The following CASP6 variants were observed in gnomAD, a reference collection of about 807,000 sequenced individuals.
CASP6 encodes the protein caspase-6.
Under a neutral mutation model 31.8 loss-of-function variants are expected in CASP6, and 20 were observed. That is an observed-to-expected ratio of 0.63 (90% CI 0.44 to 0.91). The LOEUF is 0.91. CASP6 is among the 40% of genes least tolerant of loss of function. The pLI is 0.00. For missense variants in CASP6, 328 were observed against 361.1 expected, an observed-to-expected ratio of 0.91 and a Z score of 0.74; for synonymous variants, 130 against 127.8, an observed-to-expected ratio of 1.02 and a Z score of -0.12.
the CASP6 span, chr4:109,682,941 A>G: frequency 4.0e-6 from 2 of 494,102 alleles, no homozygotes; most frequent in Non-Finnish European, 7.2e-6. Flanking sequence ...TATCGCTAAT[A>G]CATGGTAGAG....
chr4:109,703,611 G>T, upstream of CASP6: 1 of 593,726 alleles, frequency 1.7e-6, no homozygotes, highest in Non-Finnish European at 2.9e-6. Flanking sequence ...AGCCCGCGGG[G>T]ACCAAGAGCG....
chr4:109,696,258 G>GA, intron 4 of CASP6, 152 bp downstream of exon 4: 1 of 516,546 alleles, frequency 1.9e-6, no homozygotes, highest in Non-Finnish European at 3.4e-6. Flanking sequence ...CTGGGTAACG[G>GA]AAACACAGCA....
At chr4:109,706,879 C>CA (rs1462144858), upstream of CASP6, among the ~76,000 whole-genome samples, 1 of 152,116 alleles carries the variant, frequency 6.6e-6, no homozygotes. Flanking sequence ...TGCACTCCAG[C>CA]CTGAGTGACA....
At chr4:109,671,189 G>C in the CASP6 span, among the ~76,000 whole-genome samples, 2 of 152,138 alleles carry the variant, frequency 1.3e-5, no homozygotes, top group Non-Finnish European at 2.9e-5. Context: ...TTTTATGTCA[G>C]ACAGGAAACT....
rs542898934 is a variant in CASP6, at chr4:109,690,156, G to A, written c.644-588C>T. Among the ~76,000 whole-genome samples, 411 of 147,870 alleles carry A rather than the reference G, an allele frequency of 2.8e-3. 3 individuals carry two copies. Among genetic ancestry groups the A allele is most frequent in the African/African-American group, 9.9e-3 (393 of 39,586 alleles). On this transcript the variant is annotated intron_variant, in intron 6 of 6. Coordinates refer to ENST00000265164, the MANE Select transcript of CASP6 (RefSeq NM_001226.4). ...GCTGACATTGGACCACTGCACTCCC[G>A]CCTGGGCAACAGAGTGAGACTATTA...
intron 5 of CASP6, among the ~76,000 whole-genome samples, chr4:109,693,266 T>G (rs1350845125): frequency 2.0e-5 from 3 of 152,222 alleles, no homozygotes; most frequent in Admixed American, 2.0e-4. Flanking sequence ...CTCTTCCTTA[T>G]AAATTACCCA....
At chr4:109,691,061 G>T (rs1443006373) in intron 5 of CASP6, 52 bp from the exon 6 acceptor site, 2 of 1,549,984 alleles carry the variant, frequency 1.3e-6, no homozygotes, top group Admixed American at 3.9e-5. Context: ...TTCCTTCCCA[G>T]TGCTTAATGT....
rs1483884914 is a variant in CASP6, at chr4:109,703,307, G to A, written c.40+49C>T. 5.1e-6 allele frequency: 8 copies of A among 1,579,482 alleles called. No homozygotes were observed. The Admixed American group carries it at 1.3e-4, about 25-fold the overall frequency. ...ACTAACCCTCGTTTCCCCTCCAGCC[G>A]GAGCAAGACGCAGACCTGCTCGGTG... On this transcript the variant is annotated intron_variant, in intron 1 of 6. Transcript: ENST00000265164.
At chr4:109,700,080 C>G (rs1304361589) in intron 1 of CASP6, among the ~76,000 whole-genome samples, 3 of 152,202 alleles carry the variant, frequency 2.0e-5, no homozygotes, top group African/African-American at 7.2e-5. Context: ...GAGCCGAAGG[C>G]GGCTCACAAC....
chr4:109,692,171 G>T (rs1730077615), intron 5 of CASP6: 1 of 152,162 alleles, frequency 6.6e-6, no homozygotes, highest in Non-Finnish European at 1.5e-5. Context: ...TTTATAGGCA[G>T]ATTTTAATCT....
chr4:109,674,442 A>C, the CASP6 span, among the ~76,000 whole-genome samples: 3 of 152,236 alleles, frequency 2.0e-5, no homozygotes, highest in Non-Finnish European at 4.4e-5. Context: ...GCCAATCCTG[A>C]AGGTACTCCC....
the CASP6 span, among the ~76,000 whole-genome samples, chr4:109,676,075 T>A: frequency 2.6e-5 from 4 of 152,270 alleles, no homozygotes; most frequent in African/African-American, 9.6e-5. Context: ...TGGAATTTGG[T>A]AATGGGCAAA....
intron 6 of CASP6, 149 bp from the exon 7 acceptor site, chr4:109,689,717 T>TGACTC (rs1352688828): frequency 3.0e-6 from 2 of 663,838 alleles, no homozygotes; most frequent in Admixed American, 5.6e-5. Flanking sequence ...TAAATTTTTT[T>TGACTC]GACTCTTTTC....
downstream of CASP6, among the ~76,000 whole-genome samples, chr4:109,686,980 T>A (rs1168735995): frequency 1.3e-5 from 2 of 152,062 alleles, no homozygotes; most frequent in African/African-American, 2.4e-5. Context: ...TTTTTAAGAA[T>A]ATTAAGTGGA....
chr4:109,694,936 G>A (rs1227102231), intron 4 of CASP6, among the ~76,000 whole-genome samples: 3 of 152,082 alleles, frequency 2.0e-5, no homozygotes, highest in Non-Finnish European at 2.9e-5. Flanking sequence ...GGGTTCAAGC[G>A]ATTCTCCTGC....
At chr4:109,700,252 ATAACT>A (rs1177729783) in intron 1 of CASP6, among the ~76,000 whole-genome samples, 2 of 152,258 alleles carry the variant, frequency 1.3e-5, no homozygotes, top group African/African-American at 4.8e-5. Context: ...ATTAAAATTA[ATAACT>A]TAAGATGTGA....
chr4:109,705,603 T>C (rs147762707), upstream of CASP6, among the ~76,000 whole-genome samples: 412 of 152,206 alleles, frequency 2.7e-3, 4 homozygotes, highest in African/African-American at 9.4e-3. Flanking sequence ...TTAAGAACAT[T>C]TGTGATTCAT....
chr4:109,687,622 C>A, downstream of CASP6: 1 of 1,452,646 alleles, frequency 6.9e-7, no homozygotes. Context: ...GTCAGATTTT[C>A]CATTATGTAT....
chr4:109,689,437 G>A lies in CASP6; in HGVS notation c.775C>T (p.Arg259Cys), dbSNP rs1023480999. Reference protein sequence around the residue: ...LTLVNRKVSQRRVDFCKDPSA... With the variant: ...LTLVNRKVSQCRVDFCKDPSA... ...GGGTCTTTGCAAAAGTCCACTCGGCGCTGAGAAACTTTCCTGTTCACCAGT... is the reference window on the plus strand; with the variant it reads ...GGGTCTTTGCAAAAGTCCACTCGGCACTGAGAAACTTTCCTGTTCACCAGT... Residue 259 changes from arginine (R) to cysteine (C), a missense_variant, in exon 7 of 7, where the codon CGC becomes TGC. Arg to Cys is a radical substitution (Grantham distance 180). Coordinates refer to ENST00000265164, the MANE Select transcript of CASP6 (RefSeq NM_001226.4). 1.4e-5 allele frequency: 22 copies of A among 1,614,072 alleles called. No individual in the cohort carries two copies. The highest frequency in any genetic ancestry group is 2.2e-5 in the East Asian group (1 of 44,896).
Sources: gnomAD v4.1 joint callset for allele counts (sites outside exome capture counted in the v4.1 genomes callset) on GRCh38, gnomAD v4.1.1 for gene constraint, MANE v1.5 for transcripts, NCBI Gene and HGNC (gene_info 2026-07-23, HGNC 2026-07-21) for gene names.